Variants in UNC80 observed in about 807,000 individuals in gnomAD.
UNC80 encodes the protein protein unc-80 homolog.
In UNC80, 164 loss-of-function variants were observed where a neutral mutation model predicts 384.6. That is an observed-to-expected ratio of 0.43 (90% CI 0.38 to 0.49). The LOEUF (loss-of-function observed/expected upper bound fraction) is 0.49. UNC80 is among the 20% of genes least tolerant of loss of function. UNC80 has a pLI of 0.00. For synonymous variants in UNC80, 1,486 were observed against 1,527.8 expected, an observed-to-expected ratio of 0.97 and a Z score of 0.64; for missense variants, 3,330 against 4,143.0, an observed-to-expected ratio of 0.80 and a Z score of 5.39.
At position 209,994,386 on chromosome 2, in the gene UNC80, C is replaced by T. The variant is rs904683023; in HGVS notation, c.9708+122C>T. 7 of 815,592 alleles carry T rather than the reference C, an allele frequency of 8.6e-6. No homozygotes were observed. In the African/African-American group the frequency reaches 1.2e-4, roughly 14 times the overall value. The allele number at this position is 815,592 out of a possible 1,614,324, so 50.5% of individuals were successfully genotyped here. A position where few individuals can be genotyped will look rare whatever the true frequency, so the allele number is the denominator to read the frequency against. ...GGTCTGCAATGCTTTGTTATCCAAA[C>T]AGATACTGCTCCTGCCATCATGAAA... On this transcript the variant is annotated intron_variant, in intron 64 of 64. Coordinates refer to ENST00000673920, the MANE Select transcript of UNC80 (RefSeq NM_001371986.1).
intron 3 of UNC80, 36 bp from the exon 4 acceptor site, chr2:209,777,222 T>A: frequency 6.5e-7 from 1 of 1,536,840 alleles, no homozygotes; most frequent in Non-Finnish European, 8.7e-7. Flanking sequence ...GGTCACAGAG[T>A]TTTTCTTAAC....
intron 49 of UNC80, 64 bp from the exon 50 acceptor site, chr2:209,959,055 A>T: frequency 7.1e-7 from 1 of 1,413,388 alleles, no homozygotes; most frequent in Non-Finnish European, 9.8e-7. Context: ...GTCGATAAGA[A>T]GCCCCAACCA....
At chr2:209,856,406 T>C (rs2082922270) in intron 22 of UNC80, among the ~76,000 whole-genome samples, 1 of 152,154 alleles carries the variant, frequency 6.6e-6, no homozygotes, top group African/African-American at 2.4e-5. Context: ...TGTTTTCTTC[T>C]TCAATTTTTT....
intron 2 of UNC80, among the ~76,000 whole-genome samples, chr2:209,774,390 C>T (rs1363605800): frequency 6.6e-6 from 1 of 152,114 alleles, no homozygotes; most frequent in East Asian, 1.9e-4. Flanking sequence ...TTAAAATAAT[C>T]CTGACTTTCT....
Position 209,772,017 on chromosome 2 carries a change from C to A in UNC80, c.-56C>A, listed in dbSNP as rs1182838569. ...GAGCAGCGGGAGGAGGCGGCGGCGG[C>A]GGCTAGCGAGGAGACAGAGCTGGGT... On this transcript the variant is annotated 5_prime_UTR_variant, in exon 1 of 65. Transcript: ENST00000673920. The A allele has an allele frequency of 1.5e-6, 2 of 1,335,178 alleles. No homozygotes were observed. The highest frequency in any genetic ancestry group is 1.0e-6 in the Non-Finnish European group (1 of 953,630). The allele number at this position is 1,335,178 out of a possible 1,614,324, so 82.7% of individuals were successfully genotyped here.
At chr2:209,772,770 G>A (rs558582193) in intron 1 of UNC80, among the ~76,000 whole-genome samples, 1 of 152,084 alleles carries the variant, frequency 6.6e-6, no homozygotes, top group Admixed American at 6.6e-5. Context: ...CCCATAAGCC[G>A]TGTTCAATTT....
intron 26 of UNC80, among the ~76,000 whole-genome samples, chr2:209,891,997 A>T (rs949912083): frequency 7.2e-5 from 11 of 152,330 alleles, no homozygotes; most frequent in African/African-American, 2.6e-4. Flanking sequence ...GAATAGTAGG[A>T]GATGGGTTGG....
At chr2:209,932,573 C>G (rs1050716092) in intron 38 of UNC80, among the ~76,000 whole-genome samples, 1 of 152,210 alleles carries the variant, frequency 6.6e-6, no homozygotes, top group Admixed American at 6.5e-5. Context: ...CTCCTCCATC[C>G]TTTAGCTCCG....
At chr2:209,914,441 C>T (rs1395546815) in intron 31 of UNC80, among the ~76,000 whole-genome samples, 4 of 152,196 alleles carry the variant, frequency 2.6e-5, no homozygotes, top group South Asian at 2.1e-4. Flanking sequence ...TTATACAGAT[C>T]GCTAAATTTG....
intron 1 of UNC80, 67 bp downstream of exon 1, chr2:209,772,231 C>T (rs1488308316): frequency 6.8e-6 from 6 of 888,658 alleles, no homozygotes; most frequent in Non-Finnish European, 5.9e-6. Context: ...CCGCCCGGGT[C>T]GCCGCTGCCG....
intron 28 of UNC80, among the ~76,000 whole-genome samples, chr2:209,898,910 T>A (rs1468644023): frequency 6.6e-6 from 1 of 152,210 alleles, no homozygotes; most frequent in East Asian, 1.9e-4. Flanking sequence ...CTTAACATAA[T>A]GATCTCCAGT....
intron 18 of UNC80, among the ~76,000 whole-genome samples, chr2:209,838,907 A>C (rs1009383662): frequency 6.6e-6 from 1 of 152,036 alleles, no homozygotes; most frequent in Non-Finnish European, 1.5e-5. Flanking sequence ...GTTGCAGTGA[A>C]ATTGTAAGTG....
At chr2:209,866,554 AG>A (rs2083844569) in intron 22 of UNC80, among the ~76,000 whole-genome samples, 1 of 151,628 alleles carries the variant, frequency 6.6e-6, no homozygotes, top group African/African-American at 2.4e-5. Context: ...AGAGAGAGAG[AG>A]AGAGAGAGAG....
intron 18 of UNC80, among the ~76,000 whole-genome samples, chr2:209,836,236 A>C (rs1013317765): frequency 2.0e-5 from 3 of 152,226 alleles, no homozygotes; most frequent in African/African-American, 4.8e-5. Flanking sequence ...GTAAAAATTC[A>C]AACATAAGCT....
At chr2:209,973,604 A>T (rs1411148454) in intron 56 of UNC80, among the ~76,000 whole-genome samples, 1 of 152,192 alleles carries the variant, frequency 6.6e-6, no homozygotes. Flanking sequence ...TGGGCTTGTA[A>T]GGAAGGCATC....
At position 209,813,762 on chromosome 2, in the gene UNC80, A is replaced by T. The variant is rs781406246; in HGVS notation, c.1121A>T (p.Asp374Val). 6.4e-7 allele frequency: 1 copy of T among 1,551,976 alleles called. No individual in the cohort carries two copies. The change falls in exon 8 of 65, where the codon GAT becomes GTT. Residue 374 changes from aspartate (D) to valine (V), a missense_variant. Transcript: ENST00000673920. ...AAGCCAGAAAAGCCTCCGGAGCCAG[A>T]TATTCCTCTCCTGCCCAGACCCAGG... The part of the protein sequence containing the change: ...EEKPEKPPEP[D>V]IPLLPRPRSS...
At chr2:209,952,083 T>G (rs867219722) in intron 47 of UNC80, among the ~76,000 whole-genome samples, 3 of 152,246 alleles carry the variant, frequency 2.0e-5, no homozygotes, top group African/African-American at 7.2e-5. Context: ...AATTCTCCAT[T>G]TTGTTATCTC....
chr2:209,867,697 C>T (rs1423647210), intron 22 of UNC80, among the ~76,000 whole-genome samples: 6 of 152,060 alleles, frequency 3.9e-5, no homozygotes, highest in Non-Finnish European at 7.4e-5. Context: ...CCATTGGAAA[C>T]CCATCCGGTC....
chr2:209,973,143 C>T lies in UNC80; in HGVS notation c.8460C>T (p.Ile2820=), dbSNP rs1208094729. Residue 2820 remains isoleucine (I), a synonymous_variant, in exon 56 of 65, where the codon ATC becomes ATT. Coordinates refer to ENST00000673920, the MANE Select transcript of UNC80 (RefSeq NM_001371986.1). ...VINVLLPPRI[I]STSRSKNFML... is the part of the protein sequence containing the mutation. ...ATGTACTCCTCCCACCGCGGATCATCAGCACATCCAGGAGCAAGAACTTCA... is the reference window on the plus strand; with the variant it reads ...ATGTACTCCTCCCACCGCGGATCATTAGCACATCCAGGAGCAAGAACTTCA... 2.6e-6 allele frequency: 4 copies of T among 1,551,562 alleles called. No homozygotes were observed. In the African/African-American group the frequency reaches 4.1e-5, roughly 16 times the overall value.
Sources: allele counts gnomAD v4.1 joint callset (sites outside exome capture counted in the v4.1 genomes callset), GRCh38; gene constraint gnomAD v4.1.1; transcripts MANE v1.5; gene names NCBI Gene and HGNC (gene_info 2026-07-23, HGNC 2026-07-21).